Variants in CEP63 observed in about 807,000 individuals in gnomAD.
CEP63 encodes the protein centrosomal protein 63, also known as centrosomal protein of 63 kDa.
CEP63 carries 84 observed loss-of-function variants against 89.1 expected under a neutral mutation model. That is an observed-to-expected ratio of 0.94 (90% CI 0.79 to 1.13). The LOEUF is 1.13. Ranked by LOEUF, CEP63 falls within the 50% of genes most tolerant of loss-of-function variation. The probability of loss-of-function intolerance (pLI) is 0.00; values close to 1 mark genes in which losing one functional copy is unlikely to be tolerated. For synonymous variants in CEP63, 267 were observed against 272.5 expected (o/e 0.98, Z 0.20); for missense variants, 838 against 813.3 (o/e 1.03, Z -0.37).
Position 134,559,215 on chromosome 3 carries a change from C to T in CEP63, c.1739C>T (p.Ser580Phe), listed in dbSNP as rs772220760. Residue 580 changes from serine to phenylalanine, a missense_variant, in exon 14 of 15, where the codon TCT becomes TTT. Transcript: ENST00000675561. ...GAGCACTACAAAACAGATCTTCATTCTCCAAGAGGACAAGCGTCGGATAGT... is the reference window on the plus strand; with the variant it reads ...GAGCACTACAAAACAGATCTTCATTTTCCAAGAGGACAAGCGTCGGATAGT... ...KTEHYKTDLH[S>F]PRGQASDSIN... is the part of the protein sequence containing the mutation. 3 of 1,614,136 alleles carry T rather than the reference C, an allele frequency of 1.9e-6. No individual in the cohort carries two copies. The Admixed American group carries it at 5.0e-5, about 27-fold the overall frequency.
chr3:134,496,366 G>GT (rs1013168536), intron 2 of CEP63, among the ~76,000 whole-genome samples: 13 of 146,768 alleles, frequency 8.9e-5, no homozygotes, highest in African/African-American at 2.8e-4. Flanking sequence ...ATATGTAAAT[G>GT]TTGCAGTGTA....
the CEP63 span, among the ~76,000 whole-genome samples, chr3:134,710,295 C>A: frequency 6.6e-6 from 1 of 152,178 alleles, no homozygotes; most frequent in Non-Finnish European, 1.5e-5. Flanking sequence ...TGGCTGGCCT[C>A]TCCCTGGGGT....
the CEP63 span, among the ~76,000 whole-genome samples, chr3:134,766,462 C>T: frequency 6.6e-6 from 1 of 152,250 alleles, no homozygotes; most frequent in African/African-American, 2.4e-5. Flanking sequence ...GACAGCAGCT[C>T]ATGGCCAGAC....
At chr3:134,707,554 C>G in the CEP63 span, among the ~76,000 whole-genome samples, 102 of 152,214 alleles carry the variant, frequency 6.7e-4, no homozygotes, top group Admixed American at 2.2e-3. Flanking sequence ...ACTCCTAGTT[C>G]CACTACTACT....
At chr3:134,541,166 C>T (rs371124488) in intron 6 of CEP63, among the ~76,000 whole-genome samples, 12 of 152,026 alleles carry the variant, frequency 7.9e-5, no homozygotes, top group Admixed American at 6.6e-4. Context: ...GTTACAGTTG[C>T]GTATGTGTAC....
chr3:134,571,565 C>T (rs1007053107), intron 11 of CEP63, among the ~76,000 whole-genome samples: 5 of 152,114 alleles, frequency 3.3e-5, no homozygotes, highest in African/African-American at 1.2e-4. Context: ...CCTGTAGTCC[C>T]AGCTACTTGG....
chr3:134,494,090 TTATA>T (rs1938771641), intron 1 of CEP63, among the ~76,000 whole-genome samples: 1 of 108,020 alleles, frequency 9.3e-6, no homozygotes, highest in African/African-American at 3.3e-5. Context: ...ACCCTTTATT[TTATA>T]TTTATTTATT....
chr3:134,625,131 G>A, the CEP63 span: 16 of 1,595,834 alleles, frequency 1.0e-5, no homozygotes, highest in African/African-American at 1.7e-4. Context: ...GATCCCAGGG[G>A]TAGGCTGGAA....
At chr3:134,714,467 C>T in the CEP63 span, among the ~76,000 whole-genome samples, 1 of 152,174 alleles carries the variant, frequency 6.6e-6, no homozygotes, top group East Asian at 1.9e-4. Context: ...CTCCCTCTCT[C>T]TCCCCACAAC....
intron 1 of CEP63, among the ~76,000 whole-genome samples, chr3:134,491,390 C>A: frequency 6.6e-6 from 1 of 152,256 alleles, no homozygotes; most frequent in African/African-American, 2.4e-5. Flanking sequence ...TTATACCTCT[C>A]GCCCATGTTT....
chr3:134,622,578 C>A, the CEP63 span, among the ~76,000 whole-genome samples: 1 of 152,036 alleles, frequency 6.6e-6, no homozygotes, highest in African/African-American at 2.4e-5. Flanking sequence ...AATTTCATTG[C>A]TTAATGGGTA....
At chr3:134,709,228 C>T in the CEP63 span, among the ~76,000 whole-genome samples, 23 of 152,122 alleles carry the variant, frequency 1.5e-4, no homozygotes, top group Non-Finnish European at 3.1e-4. Flanking sequence ...AGTGTGGCTT[C>T]AGTTCTCATA....
chr3:134,765,700 TA>T, the CEP63 span, among the ~76,000 whole-genome samples: 1 of 150,786 alleles, frequency 6.6e-6, no homozygotes, highest in South Asian at 2.1e-4. Flanking sequence ...GAGAGAGGAG[TA>T]GGGGGCGTAA....
chr3:134,684,019 G>A, the CEP63 span, among the ~76,000 whole-genome samples: 1 of 152,154 alleles, frequency 6.6e-6, no homozygotes, highest in Admixed American at 6.5e-5. Flanking sequence ...GGGGTGCATA[G>A]TAACAATCCC....
the CEP63 span, chr3:134,608,288 G>A: frequency 3.3e-6 from 4 of 1,217,860 alleles, no homozygotes; most frequent in Non-Finnish European, 4.2e-6. Flanking sequence ...TGTGAACTGA[G>A]AGAGACTCAC....
intron 2 of CEP63, among the ~76,000 whole-genome samples, chr3:134,497,916 C>T (rs547606042): frequency 4.6e-5 from 7 of 152,042 alleles, no homozygotes; most frequent in East Asian, 3.9e-4. Flanking sequence ...TATTCTGTTC[C>T]GTTGGTGTAT....
the CEP63 span, chr3:134,608,892 G>T: frequency 6.4e-7 from 1 of 1,557,822 alleles, no homozygotes; most frequent in Non-Finnish European, 8.7e-7. Context: ...GGAGGCAGGG[G>T]CCCAATACAC....
At chr3:134,602,573 G>A in the CEP63 span, among the ~76,000 whole-genome samples, 1 of 152,192 alleles carries the variant, frequency 6.6e-6, no homozygotes, top group East Asian at 1.9e-4. Context: ...AGTCTCCTCG[G>A]CATTGCCGCA....
chr3:134,634,933 T>C, the CEP63 span, among the ~76,000 whole-genome samples: 1 of 152,198 alleles, frequency 6.6e-6, no homozygotes, highest in Non-Finnish European at 1.5e-5. Context: ...AAATTGGATC[T>C]CATATATTGC....
Sources: allele counts gnomAD v4.1 joint callset (sites outside exome capture counted in the v4.1 genomes callset), GRCh38; gene constraint gnomAD v4.1.1; transcripts MANE v1.5; gene names NCBI Gene and HGNC (gene_info 2026-07-23, HGNC 2026-07-21).